The following FAM200A variants were observed in gnomAD, a reference collection of about 807,000 sequenced individuals.
FAM200A encodes the protein ZBED8 like, also known as protein FAM200A.
FAM200A carries 26 observed loss-of-function variants against 44.2 expected under a neutral mutation model. The observed-to-expected ratio is 0.59, with a 90% CI of 0.43 to 0.82. The LOEUF (loss-of-function observed/expected upper bound fraction) is 0.82. Among genes scored for constraint, FAM200A ranks in the 40% least tolerant of loss-of-function variants. The pLI, the probability that FAM200A is intolerant of heterozygous loss-of-function variation, is 0.00. For synonymous variants in FAM200A, 206 were observed against 244.4 expected (o/e 0.84, Z 1.47); for missense variants, 606 against 669.5 (o/e 0.91, Z 1.05).
rs1160939350 is a variant in FAM200A, at chr7:99,552,076, C to A, written c.-322G>T. The A allele has an allele frequency of 8.1e-6, 8 of 985,496 alleles. No homozygotes were observed. Among genetic ancestry groups the A allele is most frequent in the Non-Finnish European group, 9.6e-6 (8 of 829,962 alleles). 61.0% of individuals were successfully genotyped at this position (985,496 alleles called of 1,614,324 possible). A position where few individuals can be genotyped will look rare whatever the true frequency, so the allele number is the denominator to read the frequency against. Reference sequence around the variant, plus strand: ...GGGACCAGGAGCACTAGACTCACATCCAAGCCCCCTGGCCTTCAGAGCCCA... The same window carrying A: ...GGGACCAGGAGCACTAGACTCACATACAAGCCCCCTGGCCTTCAGAGCCCA... On this transcript the variant is annotated 5_prime_UTR_variant, in exon 1 of 2. Coordinates refer to ENST00000449309, the MANE Select transcript of FAM200A (RefSeq NM_145111.4).
At position 99,551,896 on chromosome 7, in the gene FAM200A, C is replaced by T; in HGVS notation, c.-142G>A. 1 of 985,558 alleles carries T rather than the reference C, an allele frequency of 1.0e-6. No homozygotes were observed. Among genetic ancestry groups the T allele is most frequent in the Non-Finnish European group, 1.2e-6 (1 of 830,030 alleles). 61.1% of individuals were successfully genotyped at this position (985,558 alleles called of 1,614,324 possible). On this transcript the variant is annotated 5_prime_UTR_variant, in exon 1 of 2. Coordinates refer to ENST00000449309, the MANE Select transcript of FAM200A (RefSeq NM_145111.4). ...TCTGCTGGGGGACAGCGCTTGCCAC[C>T]GCCGAGGCTGGCGCGAGGAACGGGG...
chr7:99,554,816 A>G (rs1802646326), upstream of FAM200A, among the ~76,000 whole-genome samples: 1 of 152,202 alleles, frequency 6.6e-6, no homozygotes. Context: ...AACTGACCCA[A>G]TCCCCAATCT....
In FAM200A at chr7:99,551,999, G is replaced by C; in HGVS notation, c.-245C>G. 2.0e-6 allele frequency: 2 copies of C among 985,588 alleles called. No individual in the cohort carries two copies. Among genetic ancestry groups the C allele is most frequent in the Non-Finnish European group, 2.4e-6 (2 of 830,046 alleles). The allele number at this position is 985,588 out of a possible 1,614,324, so 61.1% of individuals were successfully genotyped here. A position where few individuals can be genotyped will look rare whatever the true frequency, so the allele number is the denominator to read the frequency against. On this transcript the variant is annotated 5_prime_UTR_variant, in exon 1 of 2. Transcript: ENST00000449309. ...GACACAGCCATGCACGTCCAACTCT[G>C]TCCCCGCCCGGAGAAGTCTGGGATG... is the stretch of plus-strand genomic sequence containing the variant.
upstream of FAM200A, among the ~76,000 whole-genome samples, chr7:99,554,980 C>CATGA (rs1802650547): frequency 6.6e-6 from 1 of 152,192 alleles, no homozygotes; most frequent in Non-Finnish European, 1.5e-5. Flanking sequence ...CCTTAGAAGG[C>CATGA]ATGACCTTGC....
chr7:99,547,323 T>C lies in FAM200A; in HGVS notation c.1085A>G (p.Gln362Arg). The C allele has an allele frequency of 6.5e-7, 1 of 1,550,300 alleles. No individual in the cohort carries two copies. The part of the protein sequence containing the change: ...GILNELSLKM[Q>R]GKNNDIFQYL... ...CTGAAATATATCATTGTTTTTCCCC[T>C]GCATTTTCAGGCTTAATTCATTAAG... is the stretch of plus-strand genomic sequence containing the variant. Residue 362 changes from glutamine to arginine, a missense_variant, in exon 2 of 2, where the codon CAG becomes CGG. By Grantham distance (43) the Gln-to-Arg change is conservative. Transcript: ENST00000449309.
At chr7:99,552,146 G>C, upstream of FAM200A, 4 of 985,498 alleles carry the variant, frequency 4.1e-6, no homozygotes, top group Non-Finnish European at 4.8e-6. Flanking sequence ...CCCGCCTTCC[G>C]GAGCTGCGCT....
chr7:99,546,502 G>T lies in FAM200A; in HGVS notation c.*184C>A. 1 of 488,744 alleles carries T rather than the reference G, an allele frequency of 2.0e-6. No individual in the cohort carries two copies. Among genetic ancestry groups the T allele is most frequent in the South Asian group, 6.5e-5 (1 of 15,342 alleles). 30.3% of individuals were successfully genotyped at this position (488,744 alleles called of 1,614,324 possible). A position where few individuals can be genotyped will look rare whatever the true frequency, so the allele number is the denominator to read the frequency against. Reference sequence around the variant, plus strand: ...TCCTGCCTCAGGCACCCAAGTAACTGGGACTGCAGGCATGTGCCACCACGC... The same window carrying T: ...TCCTGCCTCAGGCACCCAAGTAACTTGGACTGCAGGCATGTGCCACCACGC... On this transcript the variant is annotated 3_prime_UTR_variant, in exon 2 of 2. Transcript: ENST00000449309.
At position 99,547,043 on chromosome 7, in the gene FAM200A, T is replaced by C; in HGVS notation, c.1365A>G (p.Pro455=). 4 of 1,546,376 alleles carry C rather than the reference T, an allele frequency of 2.6e-6. No individual in the cohort carries two copies. Among genetic ancestry groups the C allele is most frequent in the Non-Finnish European group, 3.5e-6 (4 of 1,145,882 alleles). ...TTGATTCTGGGTTTTGAAAAGCAAA[T>C]GGATCTTTCATCCAAATATTTTCCT... ...SLKENIWMKD[P]FAFQNPESII... is the part of the protein sequence containing the mutation. The change falls in exon 2 of 2, where the codon CCA becomes CCG. Residue 455 remains proline, a synonymous_variant. Coordinates refer to ENST00000449309, the MANE Select transcript of FAM200A (RefSeq NM_145111.4).
At chr7:99,557,939 G>A (rs1019973712) in intron 1 of FAM200A, among the ~76,000 whole-genome samples, 2 of 152,166 alleles carry the variant, frequency 1.3e-5, no homozygotes. Context: ...GGTTCAGCAA[G>A]GTGTCAGAAT....
chr7:99,547,420 G>A lies in FAM200A; in HGVS notation c.988C>T (p.His330Tyr). The change falls in exon 2 of 2, where the codon CAT becomes TAT. Residue 330 changes from histidine to tyrosine, a missense_variant. By Grantham distance (83) the His-to-Tyr change is moderately conservative. Transcript: ENST00000449309. Reference protein sequence around the residue: ...IYIFLVEKQSHLANIFEDDIW... With the variant: ...IYIFLVEKQSYLANIFEDDIW... ...TCGTCTTCAAAAATATTTGCCAAATGAGATTGCTTTTCAACGAGAAAAATG... is the reference window on the plus strand; with the variant it reads ...TCGTCTTCAAAAATATTTGCCAAATAAGATTGCTTTTCAACGAGAAAAATG... The A allele has an allele frequency of 3.2e-6, 5 of 1,551,372 alleles. No individual in the cohort carries two copies. Among genetic ancestry groups the A allele is most frequent in the East Asian group, 2.4e-5 (1 of 40,894 alleles).
At chr7:99,552,185 G>A, upstream of FAM200A, 6 of 985,066 alleles carry the variant, frequency 6.1e-6, no homozygotes, top group South Asian at 4.7e-5. Flanking sequence ...TAGGATCGCG[G>A]GAGGACTTTG....
In FAM200A at chr7:99,546,328, G is replaced by T; in HGVS notation, c.*358C>A. The T allele has an allele frequency of 5.7e-6, 1 of 174,788 alleles. No homozygotes were observed. Among genetic ancestry groups the T allele is most frequent in the Non-Finnish European group, 1.2e-5 (1 of 83,798 alleles). The allele number at this position is 174,788 out of a possible 1,614,324, so 10.8% of individuals were successfully genotyped here. Reference sequence around the variant, plus strand: ...TAATTACAAATATAATTTTATTAACGTTTAACTACAACATACTGCAAAATC... The same window carrying T: ...TAATTACAAATATAATTTTATTAACTTTTAACTACAACATACTGCAAAATC... On this transcript the variant is annotated 3_prime_UTR_variant, in exon 2 of 2. Transcript: ENST00000449309.
At chr7:99,551,342 G>A (rs1476570717) in intron 1 of FAM200A, among the ~76,000 whole-genome samples, 1 of 151,948 alleles carries the variant, frequency 6.6e-6, no homozygotes, top group Non-Finnish European at 1.5e-5. Context: ...TGGGATTACA[G>A]GCGTGTGCCG....
In FAM200A at chr7:99,552,067, G is replaced by A. The variant is rs138528158; in HGVS notation, c.-313C>T. 1 of 985,444 alleles carries A rather than the reference G, an allele frequency of 1.0e-6. No homozygotes were observed. The highest frequency in any genetic ancestry group is 6.1e-5 in the Admixed American group (1 of 16,278). 61.0% of individuals were successfully genotyped at this position (985,444 alleles called of 1,614,324 possible). On this transcript the variant is annotated 5_prime_UTR_variant, in exon 1 of 2. Transcript: ENST00000449309. ...GTGACTTTGGGGACCAGGAGCACTA[G>A]ACTCACATCCAAGCCCCCTGGCCTT...
chr7:99,546,503 G>A lies in FAM200A; in HGVS notation c.*183C>T. On this transcript the variant is annotated 3_prime_UTR_variant, in exon 2 of 2. Transcript: ENST00000449309. ...CCTGCCTCAGGCACCCAAGTAACTGGGACTGCAGGCATGTGCCACCACGCC... is the reference window on the plus strand; with the variant it reads ...CCTGCCTCAGGCACCCAAGTAACTGAGACTGCAGGCATGTGCCACCACGCC... The A allele has an allele frequency of 4.0e-6, 2 of 501,856 alleles. No individual in the cohort carries two copies. The highest frequency in any genetic ancestry group is 3.5e-5 in the East Asian group (1 of 28,446). 31.1% of individuals were successfully genotyped at this position (501,856 alleles called of 1,614,324 possible). A position where few individuals can be genotyped will look rare whatever the true frequency, so the allele number is the denominator to read the frequency against.
At position 99,551,881 on chromosome 7, in the gene FAM200A, G is replaced by C. The variant is rs930598608; in HGVS notation, c.-127C>G. ...GTATCCAGGGACACCTCTGCTGGGG[G>C]ACAGCGCTTGCCACCGCCGAGGCTG... On this transcript the variant is annotated 5_prime_UTR_variant, in exon 1 of 2. Coordinates refer to ENST00000449309, the MANE Select transcript of FAM200A (RefSeq NM_145111.4). 2 of 985,406 alleles carry C rather than the reference G, an allele frequency of 2.0e-6. No homozygotes were observed. Among genetic ancestry groups the C allele is most frequent in the African/African-American group, 3.5e-5 (2 of 57,232 alleles). 61.0% of individuals were successfully genotyped at this position (985,406 alleles called of 1,614,324 possible). A position where few individuals can be genotyped will look rare whatever the true frequency, so the allele number is the denominator to read the frequency against.
At position 99,547,168 on chromosome 7, in the gene FAM200A, C is replaced by G; in HGVS notation, c.1240G>C (p.Asp414His). The G allele has an allele frequency of 6.5e-7, 1 of 1,547,162 alleles. No homozygotes were observed. Among genetic ancestry groups the G allele is most frequent in the Non-Finnish European group, 8.7e-7 (1 of 1,145,686 alleles). ...QHIEENIINE[D>H]CLKEIKLEIL... ...TCTAATTTTATTTCTTTTAAGCAGT[C>G]TTCATTAATAATGTTCTCTTCGATG... The change falls in exon 2 of 2, where the codon GAC (aspartate) becomes CAC (histidine). Residue 414 changes from aspartate (D) to histidine (H), a missense_variant. Physicochemically the swap from Asp to His is moderately conservative, Grantham distance 81. Coordinates refer to ENST00000449309, the MANE Select transcript of FAM200A (RefSeq NM_145111.4).
In FAM200A at chr7:99,547,058, A is replaced by G; in HGVS notation, c.1350T>C (p.Ile450=). 1 of 1,545,988 alleles carries G rather than the reference A, an allele frequency of 6.5e-7. No individual in the cohort carries two copies. Among genetic ancestry groups the G allele is most frequent in the African/African-American group, 1.4e-5 (1 of 72,906 alleles). Residue 450 remains isoleucine, a synonymous_variant, in exon 2 of 2, where the codon ATT becomes ATC. Transcript: ENST00000449309. ...EEKFESLKEN[I]WMKDPFAFQN... ...GAAAAGCAAATGGATCTTTCATCCA[A>G]ATATTTTCCTTTAATGATTCAAATT...
Position 99,551,978 on chromosome 7 carries a change from C to T in FAM200A, c.-224G>A. 1 of 985,532 alleles carries T rather than the reference C, an allele frequency of 1.0e-6. No homozygotes were observed. Among genetic ancestry groups the T allele is most frequent in the Non-Finnish European group, 1.2e-6 (1 of 829,984 alleles). The allele number at this position is 985,532 out of a possible 1,614,324, so 61.0% of individuals were successfully genotyped here. On this transcript the variant is annotated 5_prime_UTR_variant, in exon 1 of 2. It adds an upstream start codon to the 5' untranslated region. Coordinates refer to ENST00000449309, the MANE Select transcript of FAM200A (RefSeq NM_145111.4). ...GTCGTGGCGAGGGGATTGCAGGACA[C>T]AGCCATGCACGTCCAACTCTGTCCC... is the stretch of plus-strand genomic sequence containing the variant.
Sources: gnomAD v4.1 joint callset for allele counts (sites outside exome capture counted in the v4.1 genomes callset) on GRCh38, gnomAD v4.1.1 for gene constraint, MANE v1.5 for transcripts, NCBI Gene and HGNC (gene_info 2026-07-23, HGNC 2026-07-21) for gene names.